TRHDE: variants seen among roughly 807,000 people sequenced by gnomAD.
The protein encoded by TRHDE is thyrotropin-releasing hormone-degrading ectoenzyme.
Under a neutral mutation model 125.7 loss-of-function variants are expected in TRHDE, and 72 were observed. The ratio of observed to expected loss-of-function variants is 0.57; its 90% CI spans 0.47 to 0.70. The LOEUF is 0.70. Among genes scored for constraint, TRHDE ranks in the 30% least tolerant of loss-of-function variants. TRHDE has a pLI of 0.00. For missense variants in TRHDE, 1,110 were observed against 1,327.1 expected, an observed-to-expected ratio of 0.84 and a Z score of 2.54; for synonymous variants, 509 against 509.1, an observed-to-expected ratio of 1.00 and a Z score of 0.00.
chr12:72,557,598 T>C (rs1869982677), intron 7 of TRHDE, among the ~76,000 whole-genome samples: 1 of 152,216 alleles, frequency 6.6e-6, no homozygotes. Flanking sequence ...ATTATTTCCA[T>C]GTAAATCTTA....
At chr12:72,544,927 T>G (rs981685808) in intron 7 of TRHDE, among the ~76,000 whole-genome samples, 1 of 151,478 alleles carries the variant, frequency 6.6e-6, no homozygotes, top group Non-Finnish European at 1.5e-5. Flanking sequence ...AAATTTCAAT[T>G]TAAACATATA....
chr12:72,372,900 A>G (rs1304909661), intron 2 of TRHDE, among the ~76,000 whole-genome samples: 1 of 152,140 alleles, frequency 6.6e-6, no homozygotes, highest in Non-Finnish European at 1.5e-5. Flanking sequence ...TATGAACTTT[A>G]AAGTAGGTTT....
At chr12:72,417,093 G>A (rs1873762185) in intron 3 of TRHDE, among the ~76,000 whole-genome samples, 1 of 151,870 alleles carries the variant, frequency 6.6e-6, no homozygotes, top group Non-Finnish European at 1.5e-5. Flanking sequence ...CTTTGGTTAA[G>A]TTAATTCCTG....
At chr12:72,405,572 A>C (rs1025119296) in intron 3 of TRHDE, among the ~76,000 whole-genome samples, 2 of 152,176 alleles carry the variant, frequency 1.3e-5, no homozygotes, top group Non-Finnish European at 2.9e-5. Context: ...TTAATTTTCT[A>C]TCCAAAGTCT....
intron 15 of TRHDE, among the ~76,000 whole-genome samples, chr12:72,643,948 G>T (rs552093698): frequency 2.0e-5 from 3 of 152,092 alleles, no homozygotes; most frequent in Non-Finnish European, 2.9e-5. Context: ...GGATGCCTTG[G>T]TATTACTCTG....
In TRHDE at chr12:72,165,645, A is replaced by G. The variant is rs115496663; in HGVS notation, n.279+59893A>G. Among the ~76,000 whole-genome samples, 1,371 of 152,036 alleles carry G rather than the reference A, an allele frequency of 9.0e-3. 32 individuals are homozygous for G. Among genetic ancestry groups the G allele is most frequent in the African/African-American group, 0.032 (1,341 of 41,444 alleles). ...ACATAGTCACACTTTGCTTAACTTAATATATAATAAGTCACACATATTCTG... is the reference window on the plus strand; with the variant it reads ...ACATAGTCACACTTTGCTTAACTTAGTATATAATAAGTCACACATATTCTG... On this transcript the variant is annotated intron_variant and non_coding_transcript_variant, in intron 2 of 4. Coordinates refer to the TRHDE transcript ENST00000548156.
At chr12:72,518,171 C>T (rs188212751) in intron 6 of TRHDE, among the ~76,000 whole-genome samples, 8 of 150,668 alleles carry the variant, frequency 5.3e-5, no homozygotes, top group Admixed American at 3.3e-4. Context: ...CTGCTTGGTG[C>T]AGAGCTGAGT....
intron 2 of TRHDE, among the ~76,000 whole-genome samples, chr12:72,200,079 T>G: frequency 6.6e-6 from 1 of 152,184 alleles, no homozygotes; most frequent in East Asian, 1.9e-4. Flanking sequence ...TTCTAAGATA[T>G]TCCTCAAGTG....
chr12:72,430,321 G>A (rs10879426), intron 3 of TRHDE, among the ~76,000 whole-genome samples: 141,588 of 143,406 alleles, frequency 0.99, 69,910 homozygotes, highest in Middle Eastern at 1. Flanking sequence ...ATATATACAT[G>A]TATACATATA....
chr12:72,360,933 A>G (rs1565712321), intron 2 of TRHDE, among the ~76,000 whole-genome samples: 1 of 151,660 alleles, frequency 6.6e-6, no homozygotes, highest in Non-Finnish European at 1.5e-5. Flanking sequence ...CCCATCACCT[A>G]GGTATTAAAA....
At chr12:72,350,495 C>G (rs933861872) in intron 2 of TRHDE, among the ~76,000 whole-genome samples, 3 of 151,936 alleles carry the variant, frequency 2.0e-5, no homozygotes, top group African/African-American at 7.2e-5. Flanking sequence ...AACAGCTTGT[C>G]CAAGGACATA....
intron 2 of TRHDE, among the ~76,000 whole-genome samples, chr12:72,343,038 G>A (rs1472913322): frequency 6.6e-6 from 1 of 152,076 alleles, no homozygotes. Flanking sequence ...TATATAACTT[G>A]CACAAGGCTA....
At chr12:72,120,945 T>G (rs1875567713) in intron 2 of TRHDE, among the ~76,000 whole-genome samples, 2 of 152,134 alleles carry the variant, frequency 1.3e-5, no homozygotes, top group Non-Finnish European at 2.9e-5. Flanking sequence ...CCCAAAGTGC[T>G]GGGATTAAAG....
chr12:72,638,977 T>C (rs1479437626), intron 15 of TRHDE, among the ~76,000 whole-genome samples: 2 of 151,750 alleles, frequency 1.3e-5, no homozygotes, highest in Admixed American at 1.3e-4. Context: ...CTGACAATTA[T>C]GTGTCTTGGA....
intron 2 of TRHDE, among the ~76,000 whole-genome samples, chr12:72,373,544 T>C (rs1265870193): frequency 6.6e-6 from 1 of 152,102 alleles, no homozygotes; most frequent in African/African-American, 2.4e-5. Flanking sequence ...GAAAAAATGG[T>C]AGCAAGAAGC....
intron 3 of TRHDE, among the ~76,000 whole-genome samples, chr12:72,405,611 G>T (rs1873233363): frequency 6.6e-6 from 1 of 152,066 alleles, no homozygotes; most frequent in Admixed American, 6.6e-5. Flanking sequence ...CAAGTGCTTG[G>T]ACCACAGAAG....
At chr12:72,391,208 C>CA (rs1238095167) in intron 3 of TRHDE, among the ~76,000 whole-genome samples, 1 of 152,066 alleles carries the variant, frequency 6.6e-6, no homozygotes, top group African/African-American at 2.4e-5. Flanking sequence ...ACTCCTGGCC[C>CA]ACCTTTTAGT....
intron 4 of TRHDE, 120 bp from the exon 5 acceptor site, chr12:72,472,947 A>T: frequency 1.2e-6 from 1 of 820,810 alleles, no homozygotes; most frequent in Non-Finnish European, 1.9e-6. Context: ...TAAGATCACA[A>T]AATCAACTGG....
At chr12:72,265,756 G>A (rs1879053363) in intron 2 of TRHDE, among the ~76,000 whole-genome samples, 2 of 151,808 alleles carry the variant, frequency 1.3e-5, no homozygotes, top group Non-Finnish European at 2.9e-5. Flanking sequence ...TCTAACAGAA[G>A]GTGTGTTTCT....
Sources: allele counts gnomAD v4.1 joint callset (sites outside exome capture counted in the v4.1 genomes callset), GRCh38; gene constraint gnomAD v4.1.1; transcripts MANE v1.5; gene names NCBI Gene and HGNC (gene_info 2026-07-23, HGNC 2026-07-21).